The following C1QTNF3 variants were observed in gnomAD, a reference collection of about 807,000 sequenced individuals.
C1QTNF3 encodes C1q and TNF related 3.
Under a neutral mutation model 32.6 loss-of-function variants are expected in C1QTNF3, and 26 were observed. The ratio of observed to expected loss-of-function variants is 0.80; its 90% CI spans 0.58 to 1.11. The LOEUF (loss-of-function observed/expected upper bound fraction) is 1.11, where lower values mean the gene tolerates loss of function less well. Ranked by LOEUF, C1QTNF3 falls within the 50% of genes least tolerant of loss-of-function variation. The pLI, the probability that C1QTNF3 is intolerant of heterozygous loss-of-function variation, is 0.00. For missense variants in C1QTNF3, 362 were observed against 398.2 expected (o/e 0.91, Z 0.77); for synonymous variants, 155 against 146.0 (o/e 1.06, Z -0.44).
At chr5:34,156,350 C>T in the C1QTNF3 span, among the ~76,000 whole-genome samples, 3 of 152,206 alleles carry the variant, frequency 2.0e-5, no homozygotes, top group Non-Finnish European at 4.4e-5. Context: ...GGATTACAGG[C>T]ATGAGCCACT....
the C1QTNF3 span, among the ~76,000 whole-genome samples, chr5:34,061,521 C>T: frequency 6.6e-6 from 1 of 152,214 alleles, no homozygotes; most frequent in Non-Finnish European, 1.5e-5. Context: ...TCTGCCTGGA[C>T]ATCCAGATAT....
At chr5:34,177,345 C>A in the C1QTNF3 span, among the ~76,000 whole-genome samples, 1 of 152,140 alleles carries the variant, frequency 6.6e-6, no homozygotes, top group Non-Finnish European at 1.5e-5. Flanking sequence ...CAAGGTCTCA[C>A]TCTGTCACCC....
At chr5:34,070,564 T>C in the C1QTNF3 span, among the ~76,000 whole-genome samples, 1 of 151,838 alleles carries the variant, frequency 6.6e-6, no homozygotes, top group Non-Finnish European at 1.5e-5. Context: ...AATAGCAGTA[T>C]TGAATTGATT....
chr5:34,122,110 C>T, the C1QTNF3 span, among the ~76,000 whole-genome samples: 2 of 152,130 alleles, frequency 1.3e-5, no homozygotes, highest in African/African-American at 4.8e-5. Context: ...AGTGGGGGTG[C>T]TCTATGCTAT....
At chr5:34,119,144 C>T in the C1QTNF3 span, among the ~76,000 whole-genome samples, 29 of 149,770 alleles carry the variant, frequency 1.9e-4, no homozygotes, top group South Asian at 6.5e-4. Context: ...TAAATGCCAT[C>T]GAAATGGTAT....
the C1QTNF3 span, among the ~76,000 whole-genome samples, chr5:34,208,547 G>A: frequency 2.6e-5 from 4 of 151,774 alleles, no homozygotes; most frequent in Non-Finnish European, 4.4e-5. Flanking sequence ...TCCACCGGAT[G>A]GGAAGAAGAA....
intron 5 of C1QTNF3, 121 bp downstream of exon 5, chr5:34,023,788 C>T (rs1754398280): frequency 4.7e-6 from 3 of 642,072 alleles, no homozygotes; most frequent in Non-Finnish European, 8.2e-6. Context: ...CATGAGGGCT[C>T]TTATTAAGGA....
At chr5:34,113,424 T>A in the C1QTNF3 span, among the ~76,000 whole-genome samples, 1 of 151,502 alleles carries the variant, frequency 6.6e-6, no homozygotes, top group Non-Finnish European at 1.5e-5. Context: ...TTTCTGTACA[T>A]GAAGATCAAG....
the C1QTNF3 span, among the ~76,000 whole-genome samples, chr5:34,117,745 T>C: frequency 6.6e-6 from 1 of 151,734 alleles, no homozygotes; most frequent in Non-Finnish European, 1.5e-5. Context: ...CACTCCAGAC[T>C]AGGCGACAGA....
the C1QTNF3 span, among the ~76,000 whole-genome samples, chr5:34,201,912 C>G: frequency 6.6e-6 from 1 of 152,166 alleles, no homozygotes; most frequent in African/African-American, 2.4e-5. Context: ...AATCCTGGGT[C>G]AAAAAGATGC....
the C1QTNF3 span, among the ~76,000 whole-genome samples, chr5:34,081,999 G>A: frequency 4.0e-5 from 6 of 151,732 alleles, 1 homozygote; most frequent in African/African-American, 1.2e-4. Context: ...CTTTTGCTAT[G>A]TCCCAAAATT....
chr5:34,033,587 G>A, intron 2 of C1QTNF3, 129 bp from the exon 3 acceptor site: 2 of 1,142,390 alleles, frequency 1.8e-6, no homozygotes, highest in South Asian at 1.4e-5. Context: ...TAACCAAGGG[G>A]TATCATCATC....
At chr5:34,169,854 T>C in the C1QTNF3 span, among the ~76,000 whole-genome samples, 3 of 152,098 alleles carry the variant, frequency 2.0e-5, no homozygotes, top group African/African-American at 7.2e-5. Flanking sequence ...ATACAGCAAC[T>C]AAGAAAACAG....
At chr5:34,102,692 G>T in the C1QTNF3 span, among the ~76,000 whole-genome samples, 3 of 152,206 alleles carry the variant, frequency 2.0e-5, no homozygotes, top group Admixed American at 6.5e-5. Flanking sequence ...CATGTCCTTT[G>T]TAGGGACATG....
the C1QTNF3 span, among the ~76,000 whole-genome samples, chr5:34,120,748 G>A: frequency 6.6e-6 from 1 of 152,116 alleles, no homozygotes; most frequent in Non-Finnish European, 1.5e-5. Flanking sequence ...CACCATCATT[G>A]TGAGGCCTCC....
chr5:34,081,369 T>C, the C1QTNF3 span, among the ~76,000 whole-genome samples: 2 of 151,710 alleles, frequency 1.3e-5, no homozygotes, highest in African/African-American at 4.9e-5. Context: ...TAAAGAAACA[T>C]TTCTTAAAGA....
At chr5:34,087,886 T>C in the C1QTNF3 span, among the ~76,000 whole-genome samples, 2 of 152,240 alleles carry the variant, frequency 1.3e-5, no homozygotes, top group African/African-American at 4.8e-5. Context: ...ATCTGGCCCT[T>C]TTATTTTTTT....
chr5:34,167,130 T>A, the C1QTNF3 span: 8 of 152,264 alleles, frequency 5.3e-5, no homozygotes, highest in African/African-American at 1.4e-4. Context: ...TGTAAATATA[T>A]AATTTTCACG....
the C1QTNF3 span, among the ~76,000 whole-genome samples, chr5:34,230,557 ATATT>A: frequency 6.6e-6 from 1 of 152,216 alleles, no homozygotes; most frequent in African/African-American, 2.4e-5. Flanking sequence ...AAAATATTTT[ATATT>A]TATTTAATCC....
Sources: gnomAD v4.1 joint callset for allele counts (sites outside exome capture counted in the v4.1 genomes callset) on GRCh38, gnomAD v4.1.1 for gene constraint, MANE v1.5 for transcripts, NCBI Gene and HGNC (gene_info 2026-07-23, HGNC 2026-07-21) for gene names.